Variants in IL1RAPL1 observed in about 807,000 individuals in gnomAD.
IL1RAPL1 encodes the protein interleukin-1 receptor accessory protein-like 1.
In IL1RAPL1, 3 loss-of-function variants were observed where a neutral mutation model predicts 48.4. That is an observed-to-expected ratio of 0.06 (90% CI 0.03 to 0.16). IL1RAPL1 has a LOEUF of 0.16. Ranked by LOEUF, IL1RAPL1 falls within the 10% of genes least tolerant of loss-of-function variation. The pLI, the probability that IL1RAPL1 is intolerant of heterozygous loss-of-function variation, is 1.00. For synonymous variants in IL1RAPL1, 185 were observed against 187.7 expected (o/e 0.99, Z 0.12); for missense variants, 349 against 530.6 (o/e 0.66, Z 3.36).
chrX:29,300,222 T>C (rs1225190113), intron 3 of IL1RAPL1, among the ~76,000 whole-genome samples: 1 of 111,866 alleles, frequency 8.9e-6, no homozygotes, highest in Non-Finnish European at 1.9e-5. Context: ...AAGAGAGTTC[T>C]ATCCCATACT....
chrX:28,616,662 G>A (rs980205229), intron 1 of IL1RAPL1, among the ~76,000 whole-genome samples: 1 of 111,388 alleles, frequency 9.0e-6, no homozygotes, highest in Non-Finnish European at 1.9e-5. Context: ...TCAAACTCCT[G>A]ACCTCATGAT....
intron 1 of IL1RAPL1, among the ~76,000 whole-genome samples, chrX:28,750,307 A>G (rs992700477): frequency 8.9e-6 from 1 of 111,761 alleles, no homozygotes; most frequent in Admixed American, 9.6e-5. Context: ...GTATTATACA[A>G]TGCCTTTACT....
chrX:29,175,027 T>C (rs1232058560), intron 2 of IL1RAPL1, among the ~76,000 whole-genome samples: 17 of 99,708 alleles, frequency 1.7e-4, no homozygotes, highest in Non-Finnish European at 2.8e-4. Flanking sequence ...TGAGCTGAGA[T>C]TGCGGCACTG....
chrX:29,430,466 A>G (rs1023693268), intron 5 of IL1RAPL1, among the ~76,000 whole-genome samples: 3 of 111,928 alleles, frequency 2.7e-5, no homozygotes, highest in Non-Finnish European at 5.6e-5. Flanking sequence ...TGGTTCTACT[A>G]TTAGTACATA....
In IL1RAPL1 at chrX:29,955,604, C is replaced by T. The variant is rs767576190; in HGVS notation, c.1875C>T (p.Tyr625=). ...CACAAATGCGTCAGAAACACTACTA[C>T]CGAAGCTATGAGTACGACGTACCTC... ...YHSQMRQKHY[Y]RSYEYDVPPT... The change falls in exon 11 of 11, where the codon TAC becomes TAT. Residue 625 remains tyrosine (Y), a synonymous_variant. Transcript: ENST00000378993. The T allele has an allele frequency of 5.0e-6, 6 of 1,207,212 alleles. No homozygotes were observed. In the East Asian group the frequency reaches 1.2e-4, roughly 24 times the overall value.
At chrX:29,080,933 T>C (rs1240235361) in intron 2 of IL1RAPL1, among the ~76,000 whole-genome samples, 1 of 23,049 alleles carries the variant, frequency 4.3e-5, no homozygotes, top group Non-Finnish European at 6.7e-5. Context: ...TTTTTCTTTC[T>C]TTCTTTCTTT....
At chrX:28,898,047 G>T (rs935598035) in intron 2 of IL1RAPL1, among the ~76,000 whole-genome samples, 1 of 111,288 alleles carries the variant, frequency 9.0e-6, no homozygotes, top group African/African-American at 3.3e-5. Flanking sequence ...ATTAGTTAAG[G>T]CAGGAACAGG....
In IL1RAPL1 at chrX:28,587,732, T is replaced by A. The variant is rs189543546; in HGVS notation, c.-340T>A. 1.2e-4 allele frequency: 12 copies of A among 99,111 alleles called. No individual in the cohort carries two copies. Among genetic ancestry groups the A allele is most frequent in the Admixed American group, 1.0e-3 (9 of 8,614 alleles). The allele number at this position is 99,111 out of a possible 1,213,427, so 8.2% of individuals were successfully genotyped here. On this transcript the variant is annotated 5_prime_UTR_variant, in exon 1 of 11. Transcript: ENST00000378993. ...TCCTCTCTCAGTCTCTCCTTTTCTA[T>A]CTGCCTCTTCATTTTTCTCCTAGTC...
intron 2 of IL1RAPL1, among the ~76,000 whole-genome samples, chrX:29,212,083 C>T (rs113831327): frequency 4.5e-4 from 50 of 111,571 alleles, no homozygotes; most frequent in African/African-American, 1.5e-3. Flanking sequence ...TCCTGTCCCC[C>T]CGCAAAGCCT....
chrX:29,763,420 A>T (rs1452189165), intron 6 of IL1RAPL1, among the ~76,000 whole-genome samples: 2 of 111,431 alleles, frequency 1.8e-5, no homozygotes, highest in African/African-American at 6.5e-5. Context: ...TTTGTATAAT[A>T]AAAGGAAACT....
chrX:29,656,325 A>G (rs1157142721), intron 5 of IL1RAPL1, among the ~76,000 whole-genome samples: 1 of 111,244 alleles, frequency 9.0e-6, no homozygotes, highest in African/African-American at 3.3e-5. Flanking sequence ...TTACATGGGT[A>G]TGGTCTTTAG....
intron 2 of IL1RAPL1, among the ~76,000 whole-genome samples, chrX:28,825,166 T>G (rs1936979765): frequency 8.9e-6 from 1 of 111,929 alleles, no homozygotes; most frequent in Non-Finnish European, 1.9e-5. Context: ...TAAAAATGCT[T>G]TTTTGAGGCC....
chrX:29,616,584 G>T (rs1404032024), intron 5 of IL1RAPL1, among the ~76,000 whole-genome samples: 1 of 107,623 alleles, frequency 9.3e-6, no homozygotes, highest in Admixed American at 1.0e-4. Flanking sequence ...GCGGTGTTTG[G>T]TTTTTTGTCC....
chrX:29,916,501 T>C (rs971933356), intron 6 of IL1RAPL1, among the ~76,000 whole-genome samples: 1 of 111,885 alleles, frequency 8.9e-6, no homozygotes, highest in African/African-American at 3.3e-5. Flanking sequence ...GCCCCTCACG[T>C]GGTGCCCATC....
chrX:28,622,304 A>G (rs1047285221), intron 1 of IL1RAPL1, among the ~76,000 whole-genome samples: 2 of 111,732 alleles, frequency 1.8e-5, no homozygotes, highest in African/African-American at 6.5e-5. Flanking sequence ...ATTATTGCTT[A>G]AGAAATTTAT....
At chrX:28,943,048 G>C (rs1388359484) in intron 2 of IL1RAPL1, among the ~76,000 whole-genome samples, 2 of 110,649 alleles carry the variant, frequency 1.8e-5, no homozygotes, top group Admixed American at 9.7e-5. Context: ...CCTAAGGTTT[G>C]ATCGTGTAGT....
intron 3 of IL1RAPL1, among the ~76,000 whole-genome samples, chrX:29,334,238 G>A (rs76316145): frequency 4.9e-5 from 3 of 61,280 alleles, no homozygotes; most frequent in African/African-American, 1.5e-4. Context: ...GCGGCTGGCC[G>A]GGCAGAGGGG....
chrX:29,403,956 G>C, intron 5 of IL1RAPL1, among the ~76,000 whole-genome samples: 2 of 112,314 alleles, frequency 1.8e-5, no homozygotes, highest in East Asian at 5.6e-4. Flanking sequence ...AAGTTGCTAA[G>C]GTCAGCACCT....
chrX:29,487,380 G>A (rs573859139), intron 5 of IL1RAPL1, among the ~76,000 whole-genome samples: 2 of 111,470 alleles, frequency 1.8e-5, no homozygotes, highest in African/African-American at 6.5e-5. Context: ...TCTTCTTTTT[G>A]AACTGGCCTG....
Sources: allele counts gnomAD v4.1 joint callset (sites outside exome capture counted in the v4.1 genomes callset), GRCh38; gene constraint gnomAD v4.1.1; transcripts MANE v1.5; gene names NCBI Gene and HGNC (gene_info 2026-07-23, HGNC 2026-07-21).